TNRC6C: variants seen among roughly 807,000 people sequenced by gnomAD.
The protein encoded by TNRC6C is trinucleotide repeat containing adaptor 6C.
TNRC6C carries 20 observed loss-of-function variants against 153.7 expected under a neutral mutation model. That is an observed-to-expected ratio of 0.13 (90% CI 0.09 to 0.19). The LOEUF (loss-of-function observed/expected upper bound fraction) is 0.19, where lower values mean the gene tolerates loss of function less well. Ranked by LOEUF, TNRC6C falls within the 10% of genes least tolerant of loss-of-function variation. The pLI is 1.00. For missense variants in TNRC6C, 1,987 were observed against 2,172.0 expected, an observed-to-expected ratio of 0.91 and a Z score of 1.69; for synonymous variants, 811 against 841.4, an observed-to-expected ratio of 0.96 and a Z score of 0.63.
At chr17:78,026,568 A>G (rs563268943) in intron 1 of TNRC6C, among the ~76,000 whole-genome samples, 2 of 152,356 alleles carry the variant, frequency 1.3e-5, no homozygotes, top group Admixed American at 1.3e-4. Flanking sequence ...TGGTGGTTAG[A>G]TGAAGAAGCA....
intron 10 of TNRC6C, among the ~76,000 whole-genome samples, chr17:78,081,322 G>A (rs2073175360): frequency 6.6e-6 from 1 of 152,022 alleles, no homozygotes; most frequent in Non-Finnish European, 1.5e-5. Flanking sequence ...GGCAATGCTA[G>A]CATACGAAAA....
intron 3 of TNRC6C, among the ~76,000 whole-genome samples, chr17:78,060,092 C>G (rs2072737471): frequency 6.6e-6 from 1 of 152,146 alleles, no homozygotes; most frequent in Non-Finnish European, 1.5e-5. Context: ...ATCTGTAACC[C>G]TCAAACAGAG....
At chr17:78,081,566 T>C (rs1255147380) in intron 10 of TNRC6C, among the ~76,000 whole-genome samples, 4 of 152,280 alleles carry the variant, frequency 2.6e-5, no homozygotes, top group Non-Finnish European at 5.9e-5. Context: ...TAGGTAGACA[T>C]TGATCTCTCT....
chr17:78,099,023 C>T (rs1023792209), intron 17 of TNRC6C, among the ~76,000 whole-genome samples: 4 of 152,228 alleles, frequency 2.6e-5, no homozygotes, highest in Non-Finnish European at 4.4e-5. Flanking sequence ...AAAAACAACT[C>T]TCATAATATT....
At chr17:78,015,477 A>G (rs1033252859) in intron 1 of TNRC6C, among the ~76,000 whole-genome samples, 2 of 152,220 alleles carry the variant, frequency 1.3e-5, no homozygotes, top group African/African-American at 4.8e-5. Context: ...CCTACTTGTT[A>G]TTATACTTTA....
chr17:78,100,596 T>G (rs2073572637), intron 17 of TNRC6C, among the ~76,000 whole-genome samples: 1 of 152,032 alleles, frequency 6.6e-6, no homozygotes, highest in Non-Finnish European at 1.5e-5. Context: ...ATGAAGCCAT[T>G]TTTTCCTTGT....
intron 10 of TNRC6C, among the ~76,000 whole-genome samples, chr17:78,081,372 C>T (rs147086281): frequency 2.6e-4 from 40 of 152,148 alleles, no homozygotes; most frequent in Middle Eastern, 3.4e-3. Context: ...GGGTAATTCT[C>T]GCTCTGTAAT....
chr17:77,983,465 G>A (rs1225431700), intron 1 of TNRC6C, among the ~76,000 whole-genome samples: 3 of 152,190 alleles, frequency 2.0e-5, no homozygotes, highest in African/African-American at 7.2e-5. Flanking sequence ...ATTCTCTAGA[G>A]TGTCTCTTAG....
chr17:78,085,540 AT>A (rs1007085454), intron 11 of TNRC6C, among the ~76,000 whole-genome samples: 42 of 152,300 alleles, frequency 2.8e-4, no homozygotes, highest in African/African-American at 1.0e-3. Context: ...AAGAAAAAAA[AT>A]CATGATATTC....
Position 78,075,440 on chromosome 17 carries a change from A to G in TNRC6C, c.3060+162A>G. 4 of 808,758 alleles carry G rather than the reference A, an allele frequency of 4.9e-6. No individual in the cohort carries two copies. In the South Asian group the frequency reaches 8.0e-5, roughly 16 times the overall value. 50.1% of individuals were successfully genotyped at this position (808,758 alleles called of 1,614,324 possible). On this transcript the variant is annotated intron_variant, in intron 8 of 19. Transcript: ENST00000301624. The surrounding 1 kb of genome is among the most constrained non-coding windows in gnomAD (Gnocchi z 4.2). ...ACATTATGAACATTTAACTCAAAGAAGGGAATGTCGTATTTCATAAGATGT... is the reference window on the plus strand; with the variant it reads ...ACATTATGAACATTTAACTCAAAGAGGGGAATGTCGTATTTCATAAGATGT...
intron 1 of TNRC6C, among the ~76,000 whole-genome samples, chr17:77,970,986 G>T (rs1218672775): frequency 2.0e-5 from 3 of 152,080 alleles, no homozygotes; most frequent in Non-Finnish European, 2.9e-5. Flanking sequence ...TTTGGCATGG[G>T]TGATAGACCT....
intron 1 of TNRC6C, among the ~76,000 whole-genome samples, chr17:77,996,934 AACAG>A (rs1270578665): frequency 2.6e-5 from 4 of 152,204 alleles, no homozygotes; most frequent in Admixed American, 6.5e-5. Flanking sequence ...GTGGCAGAGT[AACAG>A]ACAGTTCATC....
At chr17:77,992,681 T>A (rs2071269928) in intron 1 of TNRC6C, among the ~76,000 whole-genome samples, 2 of 152,140 alleles carry the variant, frequency 1.3e-5, no homozygotes, top group South Asian at 4.1e-4. Context: ...GGCACACACA[T>A]GCTAGCGCAA....
At chr17:78,021,808 G>C (rs1054435345) in intron 1 of TNRC6C, among the ~76,000 whole-genome samples, 2 of 152,182 alleles carry the variant, frequency 1.3e-5, no homozygotes, top group Non-Finnish European at 2.9e-5. Flanking sequence ...GACTTCAGGT[G>C]ATCTGCCTGC....
intron 11 of TNRC6C, among the ~76,000 whole-genome samples, chr17:78,085,842 G>GTT (rs11351810): frequency 3.5e-5 from 5 of 142,698 alleles, no homozygotes; most frequent in Non-Finnish European, 7.8e-5. Flanking sequence ...TTGGTTTTTT[G>GTT]TTTTTTTTTT....
intron 1 of TNRC6C, among the ~76,000 whole-genome samples, chr17:77,960,639 T>C (rs2070854387): frequency 6.6e-6 from 1 of 152,174 alleles, no homozygotes; most frequent in Non-Finnish European, 1.5e-5. Flanking sequence ...TATGAAAGAA[T>C]AAATGATAAA....
exon 20 of TNRC6C, chr17:78,107,119 G>A (rs768017362): frequency 5.9e-5 from 9 of 152,174 alleles, no homozygotes; most frequent in Admixed American, 3.9e-4. Context: ...GTGAGCATGC[G>A]TGTGCGTATG....
chr17:78,016,779 C>T (rs2071736928), intron 1 of TNRC6C, among the ~76,000 whole-genome samples: 1 of 152,192 alleles, frequency 6.6e-6, no homozygotes, highest in African/African-American at 2.4e-5. Context: ...TAAACGCTTA[C>T]TGTGTACTAA....
At chr17:77,995,035 G>A (rs771567614) in intron 1 of TNRC6C, among the ~76,000 whole-genome samples, 3 of 152,192 alleles carry the variant, frequency 2.0e-5, no homozygotes, top group Non-Finnish European at 4.4e-5. Context: ...ATGTGAACAG[G>A]GAAAGGTGAC....
Sources: allele counts gnomAD v4.1 joint callset (sites outside exome capture counted in the v4.1 genomes callset), GRCh38; gene constraint gnomAD v4.1.1; non-coding constraint Gnocchi (gnomAD v3.1); transcripts MANE v1.5; gene names NCBI Gene and HGNC (gene_info 2026-07-23, HGNC 2026-07-21).